CASZ1: variants seen among roughly 807,000 people sequenced by gnomAD.
CASZ1 encodes the protein zinc finger protein castor homolog 1.
CASZ1 carries 28 observed loss-of-function variants against 135.2 expected under a neutral mutation model. The ratio of observed to expected loss-of-function variants is 0.21; its 90% CI spans 0.15 to 0.28. CASZ1 has a LOEUF of 0.28. Ranked by LOEUF, CASZ1 falls within the 10% of genes least tolerant of loss-of-function variation. The pLI is 1.00. For missense variants in CASZ1, 2,161 were observed against 2,453.3 expected, an observed-to-expected ratio of 0.88 and a Z score of 2.52; for synonymous variants, 1,068 against 1,073.4, an observed-to-expected ratio of 0.99 and a Z score of 0.10.
intron 2 of CASZ1, among the ~76,000 whole-genome samples, chr1:10,708,022 C>G (rs1023638602): frequency 1.3e-5 from 2 of 152,214 alleles, no homozygotes; most frequent in African/African-American, 4.8e-5. Flanking sequence ...TGCCAACACA[C>G]CCATTCTCTG....
Position 10,726,384 on chromosome 1 carries a change from T to C in CASZ1, c.-76-20840A>G, listed in dbSNP as rs1467761382. ...ATGCCGCCATCCTCAGCCTACTCCG[T>C]ATCTCCTTTCAGAAGATGCTATGAA... On this transcript the variant is annotated intron_variant, in intron 2 of 20. Coordinates refer to ENST00000377022, the MANE Select transcript of CASZ1 (RefSeq NM_001079843.3). The surrounding 1 kb of genome is among the most constrained non-coding windows in gnomAD (Gnocchi z 5.7). Among the ~76,000 whole-genome samples the C allele has an allele frequency of 6.6e-6, 1 of 152,194 alleles. No individual in the cohort carries two copies. The highest frequency in any genetic ancestry group is 1.5e-5 in the Non-Finnish European group (1 of 68,018).
chr1:10,744,391 T>TGACAG (rs2100540592), intron 2 of CASZ1, among the ~76,000 whole-genome samples: 1 of 138,426 alleles, frequency 7.2e-6, no homozygotes, highest in Non-Finnish European at 1.6e-5. Flanking sequence ...AGGCATGTCC[T>TGACAG]GGGCACCACG....
At position 10,667,871 on chromosome 1, in the gene CASZ1, C is replaced by T. The variant is rs183311802; in HGVS notation, c.17-2300G>A. Among the ~76,000 whole-genome samples, 836 of 143,494 alleles carry T rather than the reference C, an allele frequency of 5.8e-3. 3 individuals carry two copies. The highest frequency in any genetic ancestry group is 0.023 in the South Asian group (93 of 3,976). 94.1% of individuals were successfully genotyped at this position (143,494 alleles called of 152,430 possible). A position where few individuals can be genotyped will look rare whatever the true frequency, so the allele number is the denominator to read the frequency against. ...CCAGCCCAGCCCACCTTCTCCCCAT[C>T]TCGGCTGTGTGCCTGGCTCAGTCCC... On this transcript the variant is annotated intron_variant, in intron 4 of 20. Coordinates refer to ENST00000377022, the MANE Select transcript of CASZ1 (RefSeq NM_001079843.3).
In CASZ1 at chr1:10,639,009, G is replaced by A. The variant is rs184511437; in HGVS notation, c.5213C>T (p.Pro1738Leu). ...CAGGGCCGCCAGCGCCGCCAAGGCC[G>A]GGGTCCGCGCGCCCGCGCCCGCCGC... ...AEAAGAGART[P>L]ALAALAALGA... The change falls in exon 21 of 21, where the codon CCG becomes CTG. Residue 1738 changes from proline (P) to leucine (L), a missense_variant. By Grantham distance (98) the Pro-to-Leu change is moderately conservative. Coordinates refer to ENST00000377022, the MANE Select transcript of CASZ1 (RefSeq NM_001079843.3). The surrounding 1 kb of genome is among the most constrained non-coding windows in gnomAD (Gnocchi z 4.0). 2.0e-6 allele frequency: 2 copies of A among 991,094 alleles called. No homozygotes were observed. Among genetic ancestry groups the A allele is most frequent in the Non-Finnish European group, 1.2e-6 (1 of 833,606 alleles). 61.4% of individuals were successfully genotyped at this position (991,094 alleles called of 1,614,324 possible). A position where few individuals can be genotyped will look rare whatever the true frequency, so the allele number is the denominator to read the frequency against.
intron 4 of CASZ1, among the ~76,000 whole-genome samples, chr1:10,678,056 A>G (rs1638289645): frequency 6.6e-6 from 1 of 152,140 alleles, no homozygotes; most frequent in East Asian, 1.9e-4. Context: ...ATGTGTGTTG[A>G]TGGGGAGACA....
At position 10,776,285 on chromosome 1, in the gene CASZ1, T is replaced by C. The variant is rs1008488700; in HGVS notation, c.-233-15428A>G. Among the ~76,000 whole-genome samples, 1 of 152,190 alleles carries C rather than the reference T, an allele frequency of 6.6e-6. No homozygotes were observed. Among genetic ancestry groups the C allele is most frequent in the African/African-American group, 2.4e-5 (1 of 41,454 alleles). On this transcript the variant is annotated intron_variant, in intron 1 of 20. Coordinates refer to ENST00000377022, the MANE Select transcript of CASZ1 (RefSeq NM_001079843.3). This position sits in a 1 kb window ranked among gnomAD's most constrained non-coding sequence, Gnocchi z 4.1. Reference sequence around the variant, plus strand: ...TTACCTTTTTACTTGAGATTTACATTCTCATCCCCTTAATCTCCATAGTAG... The same window carrying C: ...TTACCTTTTTACTTGAGATTTACATCCTCATCCCCTTAATCTCCATAGTAG...
At position 10,660,408 on chromosome 1, in the gene CASZ1, C is replaced by G; in HGVS notation, c.634G>C (p.Gly212Arg). Residue 212 changes from glycine (G) to arginine (R), a missense_variant, in exon 6 of 21, where the codon GGC becomes CGC. By Grantham distance (125) the Gly-to-Arg change is moderately radical. Around this residue, in one of 7 missense-constraint regions of CASZ1, gnomAD observed 590 missense variants for 609.8 expected, o/e 0.97. Transcript: ENST00000377022. ...RKISFEKLHA[G>R]STPEAATSSM... Reference sequence around the variant, plus strand: ...GAGGTGGCTGCCTCCGGGGTGGAGCCCGCGTGCAGCTTCTCAAAGCTGATC... The same window carrying G: ...GAGGTGGCTGCCTCCGGGGTGGAGCGCGCGTGCAGCTTCTCAAAGCTGATC... 6.2e-7 allele frequency: 1 copy of G among 1,614,172 alleles called. No homozygotes were observed. The highest frequency in any genetic ancestry group is 8.5e-7 in the Non-Finnish European group (1 of 1,180,008).
rs752921491 is a variant in CASZ1, at chr1:10,659,682, T to C, written c.1340+20A>G. On this transcript the variant is annotated intron_variant, in intron 6 of 20. Transcript: ENST00000377022. ...GTCTGGCTCCTGGCTCTGGGCATTG[T>C]GGGGTGGGGAGCGCCTTACTTGACA... 6.3e-7 allele frequency: 1 copy of C among 1,585,390 alleles called. No individual in the cohort carries two copies. The highest frequency in any genetic ancestry group is 8.7e-7 in the Non-Finnish European group (1 of 1,154,166).
At chr1:10,768,558 C>T (rs1313796142) in intron 1 of CASZ1, among the ~76,000 whole-genome samples, 1 of 152,218 alleles carries the variant, frequency 6.6e-6, no homozygotes, top group Non-Finnish European at 1.5e-5. Context: ...CCCTCCTCTC[C>T]CTGGACTCCA....
In CASZ1 at chr1:10,676,543, C is replaced by CCTCCATCTCTCTCTGTGCCT. The variant is rs1011401812; in HGVS notation, c.17-10992_17-10973dup. Among the ~76,000 whole-genome samples, 2 of 152,090 alleles carry CCTCCATCTCTCTCTGTGCCT rather than the reference C, an allele frequency of 1.3e-5. No individual in the cohort carries two copies. The highest frequency in any genetic ancestry group is 2.9e-5 in the Non-Finnish European group (2 of 68,010). On this transcript the variant is annotated intron_variant, in intron 4 of 20. Coordinates refer to ENST00000377022, the MANE Select transcript of CASZ1 (RefSeq NM_001079843.3). This position sits in a 1 kb window ranked among gnomAD's most constrained non-coding sequence, Gnocchi z 4.5. The stretch of plus-strand genomic sequence containing the variant: ...AACAAAGGGGCTCTCCTCCTGGGCT[C>CCTCCATCTCTCTCTGTGCCT]CTCCATCTCTCTCTGTGCCTCTCCA...
chr1:10,781,583 C>T (rs569636950), intron 1 of CASZ1, among the ~76,000 whole-genome samples: 1 of 152,344 alleles, frequency 6.6e-6, no homozygotes, highest in African/African-American at 2.4e-5. Context: ...GGCGAACATG[C>T]TCCAACAGAC....
intron 2 of CASZ1, among the ~76,000 whole-genome samples, chr1:10,734,743 T>C (rs891441929): frequency 3.9e-5 from 6 of 152,128 alleles, no homozygotes; most frequent in African/African-American, 1.4e-4. Flanking sequence ...AGAAAGGCAA[T>C]GTGGTTTTCT....
At chr1:10,652,259 G>C (rs1031116140) in intron 11 of CASZ1, 1 of 152,340 alleles carries the variant, frequency 6.6e-6, no homozygotes, top group Non-Finnish European at 1.5e-5. Context: ...TGGGAACAGG[G>C]CATCTAGGCC....
rs1190285374 is a variant in CASZ1, at chr1:10,694,936, C to G, written c.-23-1024G>C. On this transcript the variant is annotated intron_variant, in intron 3 of 20. Transcript: ENST00000377022. The surrounding 1 kb of genome is among the most constrained non-coding windows in gnomAD (Gnocchi z 6.6). ...GCATGCTGCCAGCGGCCGCTCGGGC[C>G]CCGCGAGCGCGACCGACGGCCGCCG... Among the ~76,000 whole-genome samples, 1 of 143,878 alleles carries G rather than the reference C, an allele frequency of 7.0e-6. No homozygotes were observed. Among genetic ancestry groups the G allele is most frequent in the Non-Finnish European group, 1.5e-5 (1 of 64,954 alleles). The allele number at this position is 143,878 out of a possible 152,430, so 94.4% of individuals were successfully genotyped here.
rs1640283331 is a variant in CASZ1 at position 10,757,574 on chromosome 1, G to A, written c.-77+3127C>T. On this transcript the variant is annotated intron_variant, in intron 2 of 20. Transcript: ENST00000377022. This position sits in a 1 kb window ranked among gnomAD's most constrained non-coding sequence, Gnocchi z 4.6. ...GGGCTGAGGTGGGTGGATCACTTGA[G>A]GTTAGGAGTTTGAGACCAGCCTGGC... 6.6e-6 allele frequency among the ~76,000 whole-genome samples: 1 copy of A among 152,172 alleles called. No homozygotes were observed. The highest frequency in any genetic ancestry group is 1.5e-5 in the Non-Finnish European group (1 of 68,030).
chr1:10,678,730 G>T (rs1638318421), intron 4 of CASZ1, among the ~76,000 whole-genome samples: 1 of 152,168 alleles, frequency 6.6e-6, no homozygotes, highest in African/African-American at 2.4e-5. Context: ...GCGGGAGGGG[G>T]GAGGGCAGAG....
intron 1 of CASZ1, among the ~76,000 whole-genome samples, chr1:10,795,990 C>T (rs1641062168): frequency 6.6e-6 from 1 of 151,896 alleles, no homozygotes; most frequent in Admixed American, 6.5e-5. Context: ...TGCAAAGTCA[C>T]CCCAGGCACC....
rs1257683272 is a variant in CASZ1 at position 10,775,221 on chromosome 1, A to G, written c.-233-14364T>C. On this transcript the variant is annotated intron_variant, in intron 1 of 20. Coordinates refer to ENST00000377022, the MANE Select transcript of CASZ1 (RefSeq NM_001079843.3). ...TGCTGCCGATAATTTTTCAGAGATA[A>G]ACAAACCGGTTTGGATAAAACAAGA... is the stretch of plus-strand genomic sequence containing the variant. Among the ~76,000 whole-genome samples the G allele has an allele frequency of 8.5e-5, 13 of 152,268 alleles. No individual in the cohort carries two copies. The East Asian group carries it at 2.3e-3, about 27-fold the overall frequency.
At position 10,653,490 on chromosome 1, in the gene CASZ1, G is replaced by C; in HGVS notation, c.2567C>G (p.Pro856Arg). 1 of 1,612,198 alleles carries C rather than the reference G, an allele frequency of 6.2e-7. No homozygotes were observed. Among genetic ancestry groups the C allele is most frequent in the Non-Finnish European group, 8.5e-7 (1 of 1,179,280 alleles). Residue 856 changes from proline (P) to arginine (R), a missense_variant, in exon 11 of 21, where the codon CCG becomes CGG. By Grantham distance (103) the Pro-to-Arg change is moderately radical (BLOSUM62 -2). Transcript: ENST00000377022. The part of the protein sequence containing the change: ...DSAPVAAASV[P>R]APPASIMERI... ...CTCCATGATGGAGGCGGGTGGTGCC[G>C]GGACAGAGGCGGCAGCCACGGGGGC...
Sources: allele counts gnomAD v4.1 joint callset (sites outside exome capture counted in the v4.1 genomes callset), GRCh38; gene constraint gnomAD v4.1.1; regional missense constraint gnomAD v4.1.1; non-coding constraint Gnocchi (gnomAD v3.1); transcripts MANE v1.5; gene names NCBI Gene and HGNC (gene_info 2026-07-23, HGNC 2026-07-21).